Variants in CENPP observed in about 807,000 individuals in gnomAD.
CENPP encodes the protein centromere protein P.
CENPP carries 24 observed loss-of-function variants against 35.6 expected under a neutral mutation model. The ratio of observed to expected loss-of-function variants is 0.67; its 90% CI spans 0.49 to 0.95. The LOEUF (loss-of-function observed/expected upper bound fraction) is 0.95, where lower values mean the gene tolerates loss of function less well. CENPP is among the 40% of genes least tolerant of loss of function. The pLI is 0.00. For missense variants in CENPP, 332 were observed against 345.3 expected, an observed-to-expected ratio of 0.96 and a Z score of 0.31; for synonymous variants, 120 against 125.5, an observed-to-expected ratio of 0.96 and a Z score of 0.29.
chr9:92,471,736 G>A (rs1845525937), intron 5 of CENPP, among the ~76,000 whole-genome samples: 1 of 149,656 alleles, frequency 6.7e-6, no homozygotes, highest in South Asian at 2.1e-4. Flanking sequence ...GCGCCATCTC[G>A]GCTCACTGCA....
chr9:92,329,432 C>T (rs1329601929), intron 1 of CENPP, among the ~76,000 whole-genome samples: 1 of 152,156 alleles, frequency 6.6e-6, no homozygotes, highest in Non-Finnish European at 1.5e-5. Context: ...GTGATCTGCC[C>T]ACCTCGGCAT....
chr9:92,364,577 TG>T (rs1841840416), intron 4 of CENPP, among the ~76,000 whole-genome samples: 1 of 152,150 alleles, frequency 6.6e-6, no homozygotes, highest in Non-Finnish European at 1.5e-5. Flanking sequence ...GTTGTTGTGT[TG>T]GATACACAAC....
At chr9:92,442,536 G>A (rs895042903) in intron 5 of CENPP, among the ~76,000 whole-genome samples, 1 of 151,590 alleles carries the variant, frequency 6.6e-6, no homozygotes, top group African/African-American at 2.4e-5. Flanking sequence ...AAAATTATAT[G>A]AACATCTTAG....
intron 5 of CENPP, among the ~76,000 whole-genome samples, chr9:92,394,635 C>T (rs752876459): frequency 1.3e-5 from 2 of 151,266 alleles, no homozygotes; most frequent in African/African-American, 4.9e-5. Context: ...GATGAAGTCT[C>T]GCTTCGTCAC....
At position 92,476,877 on chromosome 9, in the gene CENPP, G is replaced by A. The variant is rs1218577903; in HGVS notation, c.564+97018G>A. ...GCCTTCTGCTCCAGCTCATGTGGGG[G>A]GACTCAGTTGTTTTATCCAGAAATC... On this transcript the variant is annotated intron_variant, in intron 5 of 7. Coordinates refer to ENST00000375587, the MANE Select transcript of CENPP (RefSeq NM_001012267.3). The surrounding 1 kb of genome is among the most constrained non-coding windows in gnomAD (Gnocchi z 4.1). Among the ~76,000 whole-genome samples, 1 of 152,088 alleles carries A rather than the reference G, an allele frequency of 6.6e-6. No homozygotes were observed. Among genetic ancestry groups the A allele is most frequent in the African/African-American group, 2.4e-5 (1 of 41,416 alleles).
chr9:92,595,345 G>T (rs1335348115), intron 5 of CENPP, among the ~76,000 whole-genome samples: 2 of 151,872 alleles, frequency 1.3e-5, no homozygotes, highest in African/African-American at 2.4e-5. Flanking sequence ...GGGATCAACT[G>T]ATCCTCCCAC....
chr9:92,549,520 G>A (rs954998015), intron 5 of CENPP, among the ~76,000 whole-genome samples: 4 of 151,946 alleles, frequency 2.6e-5, no homozygotes, highest in South Asian at 2.1e-4. Context: ...TGTGGCACAC[G>A]CCTGTAGTCC....
At chr9:92,483,389 T>A (rs1454485148) in intron 5 of CENPP, among the ~76,000 whole-genome samples, 1 of 152,140 alleles carries the variant, frequency 6.6e-6, no homozygotes, top group Non-Finnish European at 1.5e-5. Context: ...CCACCACGCC[T>A]GGCTAATTTT....
intron 5 of CENPP, among the ~76,000 whole-genome samples, chr9:92,594,874 A>G (rs1038795834): frequency 2.0e-5 from 3 of 147,026 alleles, no homozygotes; most frequent in African/African-American, 7.5e-5. Context: ...TATGTCCTGG[A>G]TGTGAGAGGT....
At chr9:92,610,365 GT>G (rs1357659985) in intron 5 of CENPP, among the ~76,000 whole-genome samples, 1 of 151,234 alleles carries the variant, frequency 6.6e-6, no homozygotes, top group Non-Finnish European at 1.5e-5. Flanking sequence ...AAAAAGACAA[GT>G]TTTTAAGAAC....
chr9:92,605,883 T>C (rs942154532), intron 5 of CENPP, among the ~76,000 whole-genome samples: 2 of 152,206 alleles, frequency 1.3e-5, no homozygotes, highest in African/African-American at 4.8e-5. Context: ...GAGAATATTT[T>C]TGATCATATA....
chr9:92,455,450 A>T (rs972031054), intron 5 of CENPP, among the ~76,000 whole-genome samples: 4 of 152,024 alleles, frequency 2.6e-5, no homozygotes, highest in African/African-American at 9.7e-5. Flanking sequence ...TGTTACTGCC[A>T]TCTAGTGTGT....
At chr9:92,570,005 A>G (rs1850093361) in intron 5 of CENPP, among the ~76,000 whole-genome samples, 1 of 152,234 alleles carries the variant, frequency 6.6e-6, no homozygotes, top group Non-Finnish European at 1.5e-5. Context: ...TTTTCTAAAT[A>G]TAAAATCATG....
chr9:92,568,961 T>A (rs1408359016), intron 5 of CENPP, among the ~76,000 whole-genome samples: 2 of 152,124 alleles, frequency 1.3e-5, no homozygotes, highest in East Asian at 1.9e-4. Flanking sequence ...GTTTAAGTAC[T>A]TTGTAGATTC....
intron 5 of CENPP, among the ~76,000 whole-genome samples, chr9:92,453,014 G>C (rs1013167951): frequency 6.6e-5 from 10 of 151,736 alleles, no homozygotes; most frequent in Admixed American, 1.3e-4. Context: ...GTCTTGCTAG[G>C]GGTCTATCAA....
rs1851586072 is a variant in CENPP, at chr9:92,620,250, GCTC to G, written c.*7103_*7105del. 1 of 154,222 alleles carries G rather than the reference GCTC, an allele frequency of 6.5e-6. No individual in the cohort carries two copies. The highest frequency in any genetic ancestry group is 1.4e-5 in the Non-Finnish European group (1 of 69,240). The allele number at this position is 154,222 out of a possible 1,614,324, so 9.6% of individuals were successfully genotyped here. On this transcript the variant is annotated 3_prime_UTR_variant, in exon 8 of 8. Coordinates refer to ENST00000375587, the MANE Select transcript of CENPP (RefSeq NM_001012267.3). The stretch of plus-strand genomic sequence containing the variant: ...CTGACATTTACACTCTTCAACACAT[GCTC>G]CAAGCTATGTGGGTCTGTCCATACT...
At chr9:92,403,247 C>T in intron 5 of CENPP, 2 of 1,569,170 alleles carry the variant, frequency 1.3e-6, no homozygotes, top group Non-Finnish European at 8.7e-7. Context: ...AATATTTTTT[C>T]CATCCAGGTA....
chr9:92,589,002 T>G (rs1439030006), intron 5 of CENPP, among the ~76,000 whole-genome samples: 1 of 152,040 alleles, frequency 6.6e-6, no homozygotes, highest in Non-Finnish European at 1.5e-5. Context: ...AATATGCAAA[T>G]GTATCATTTC....
intron 4 of CENPP, among the ~76,000 whole-genome samples, chr9:92,376,305 C>G (rs1285320351): frequency 6.6e-6 from 1 of 152,208 alleles, no homozygotes; most frequent in Admixed American, 6.5e-5. Flanking sequence ...ACAGCAGCAA[C>G]TTGTTAATTT....
Sources: allele counts gnomAD v4.1 joint callset (sites outside exome capture counted in the v4.1 genomes callset), GRCh38; gene constraint gnomAD v4.1.1; non-coding constraint Gnocchi (gnomAD v3.1); transcripts MANE v1.5; gene names NCBI Gene and HGNC (gene_info 2026-07-23, HGNC 2026-07-21).